ARFGEF1: variants seen among roughly 807,000 people sequenced by gnomAD.
ARFGEF1 encodes ARF guanine nucleotide exchange factor 1.
Under a neutral mutation model 231.0 loss-of-function variants are expected in ARFGEF1, and 42 were observed. The observed-to-expected ratio is 0.18, with a 90% CI of 0.14 to 0.24. The LOEUF (loss-of-function observed/expected upper bound fraction) is 0.24. Among genes scored for constraint, ARFGEF1 ranks in the 10% least tolerant of loss-of-function variants. The pLI is 1.00. For synonymous variants in ARFGEF1, 710 were observed against 732.3 expected (o/e 0.97, Z 0.49); for missense variants, 1,345 against 2,192.0 (o/e 0.61, Z 7.72).
intron 2 of ARFGEF1, among the ~76,000 whole-genome samples, chr8:67,301,973 G>A (rs970058358): frequency 2.0e-5 from 3 of 152,050 alleles, no homozygotes; most frequent in East Asian, 1.9e-4. Context: ...TTGGGAAGCC[G>A]AGGTGCGTGG....
chr8:67,235,983 G>A (rs967619380), intron 22 of ARFGEF1, among the ~76,000 whole-genome samples: 18 of 151,596 alleles, frequency 1.2e-4, no homozygotes, highest in African/African-American at 3.2e-4. Flanking sequence ...GAATACTCAC[G>A]GCAGAGATAC....
At chr8:67,231,819 C>G (rs1259148595) in intron 23 of ARFGEF1, among the ~76,000 whole-genome samples, 3 of 152,000 alleles carry the variant, frequency 2.0e-5, no homozygotes, top group Non-Finnish European at 4.4e-5. Flanking sequence ...CAAGAATACC[C>G]ATCTCATGAG....
At chr8:67,179,571 C>G (rs921818152) in intron 5 of ARFGEF1, among the ~76,000 whole-genome samples, 1 of 152,158 alleles carries the variant, frequency 6.6e-6, no homozygotes, top group Non-Finnish European at 1.5e-5. Flanking sequence ...TTTTATTTGA[C>G]TTCAACCATA....
chr8:67,191,936 T>C (rs1339543211), intron 5 of ARFGEF1, among the ~76,000 whole-genome samples: 1 of 152,200 alleles, frequency 6.6e-6, no homozygotes, highest in Admixed American at 6.5e-5. Context: ...TAGCCATCTA[T>C]TGAGTGTAAA....
chr8:67,219,367 T>G, intron 30 of ARFGEF1, 64 bp downstream of exon 30: 2 of 1,523,892 alleles, frequency 1.3e-6, no homozygotes, highest in Non-Finnish European at 1.8e-6. Context: ...CTAAAATGTA[T>G]TGATTATAAT....
chr8:67,215,891 C>A (rs1385937090), intron 33 of ARFGEF1, among the ~76,000 whole-genome samples: 1 of 152,144 alleles, frequency 6.6e-6, no homozygotes, highest in Admixed American at 6.5e-5. Context: ...TTTTGTGTTA[C>A]TTTTCTATAA....
chr8:67,232,565 G>A (rs922914688), intron 23 of ARFGEF1, among the ~76,000 whole-genome samples: 5 of 151,796 alleles, frequency 3.3e-5, no homozygotes, highest in African/African-American at 9.7e-5. Flanking sequence ...AGTTTTCTAC[G>A]AGAAAATAAA....
chr8:67,277,807 T>G (rs1274309348), intron 7 of ARFGEF1, among the ~76,000 whole-genome samples: 1 of 152,214 alleles, frequency 6.6e-6, no homozygotes, highest in Non-Finnish European at 1.5e-5. Flanking sequence ...CGAAAAAATA[T>G]CTCATTGTCA....
chr8:67,220,802 T>C (rs536968028), intron 29 of ARFGEF1, among the ~76,000 whole-genome samples: 67 of 152,264 alleles, frequency 4.4e-4, no homozygotes, highest in African/African-American at 1.5e-3. Context: ...AGTAAGTGGA[T>C]ATGGGCAATC....
intron 34 of ARFGEF1, among the ~76,000 whole-genome samples, chr8:67,205,780 C>G (rs1424980592): frequency 6.6e-6 from 1 of 151,940 alleles, no homozygotes; most frequent in Non-Finnish European, 1.5e-5. Flanking sequence ...ATTGCTGGAA[C>G]CCAGGAGGCA....
chr8:67,301,289 G>T lies in ARFGEF1; in HGVS notation c.247C>A (p.Pro83Thr). The change falls in exon 3 of 39, where the codon CCT (proline) becomes ACT (threonine). Residue 83 changes from proline to threonine, a missense_variant. Transcript: ENST00000262215. The part of the protein sequence containing the change: ...NFIEADKYFL[P>T]FELACQSKCP... ...TTGGACTGGCATGCCAACTCAAAAGGCAAGAAGTACTTGTCTGCTTCAATA... is the reference window on the plus strand; with the variant it reads ...TTGGACTGGCATGCCAACTCAAAAGTCAAGAAGTACTTGTCTGCTTCAATA... 6.2e-7 allele frequency: 1 copy of T among 1,613,986 alleles called. No individual in the cohort carries two copies. The highest frequency in any genetic ancestry group is 8.5e-7 in the Non-Finnish European group (1 of 1,179,984).
chr8:67,192,078 G>GT (rs71249424), intron 5 of ARFGEF1, among the ~76,000 whole-genome samples: 19,324 of 127,542 alleles, frequency 0.15, 1,617 homozygotes, highest in East Asian at 0.36. Flanking sequence ...TTTTTTTTTT[G>GT]TTTTTTTTTT....
rs1838117267 is a variant in ARFGEF1 at position 67,197,662 on chromosome 8, G to C, written c.*1272C>G. On this transcript the variant is annotated 3_prime_UTR_variant, in exon 39 of 39. Transcript: ENST00000262215. ...CATGGGGGTGGGTTATACAGGTTTT[G>C]ATTGCACTGATGAAATAATTCAAAA... 1 of 985,822 alleles carries C rather than the reference G, an allele frequency of 1.0e-6. No individual in the cohort carries two copies. Among genetic ancestry groups the C allele is most frequent in the Non-Finnish European group, 1.2e-6 (1 of 829,914 alleles). The allele number at this position is 985,822 out of a possible 1,614,324, so 61.1% of individuals were successfully genotyped here.
chr8:67,187,581 G>T (rs553723287), intron 5 of ARFGEF1, among the ~76,000 whole-genome samples: 1 of 152,212 alleles, frequency 6.6e-6, no homozygotes, highest in South Asian at 2.1e-4. Flanking sequence ...CTATTTGGGA[G>T]GCTGAGGTGG....
In ARFGEF1 at chr8:67,271,346, A is replaced by G. The variant is rs77225978; in HGVS notation, c.1572+356T>C. On this transcript the variant is annotated intron_variant, in intron 10 of 38. Transcript: ENST00000262215. ...GTTTAAAATAATGGAGATGCAATAT[A>G]TATTTGGAACTTTCTTTTAAGATAA... Among the ~76,000 whole-genome samples, 1,311 of 152,358 alleles carry G rather than the reference A, an allele frequency of 8.6e-3. 17 individuals carry two copies. The highest frequency in any genetic ancestry group is 0.03 in the African/African-American group (1,234 of 41,576).
At chr8:67,192,066 GTTTTTTTTTTT>G (rs1836437362) in intron 5 of ARFGEF1, among the ~76,000 whole-genome samples, 1 of 129,858 alleles carries the variant, frequency 7.7e-6, no homozygotes, top group Non-Finnish European at 1.6e-5. Flanking sequence ...TTGCTGATTT[GTTTTTTTTTTT>G]GTTTTTTTTT....
chr8:67,320,223 CA>C (rs544834392), intron 1 of ARFGEF1, among the ~76,000 whole-genome samples: 1,665 of 45,188 alleles, frequency 0.037, 39 homozygotes, highest in African/African-American at 0.083. Context: ...AACGCTATCT[CA>C]AAAAAAAAAA....
chr8:67,307,844 T>G (rs963236290), intron 1 of ARFGEF1, among the ~76,000 whole-genome samples: 1 of 152,146 alleles, frequency 6.6e-6, no homozygotes, highest in Non-Finnish European at 1.5e-5. Context: ...TGGGCTGGCC[T>G]TAGAGATTCA....
intron 32 of ARFGEF1, 33 bp from the exon 33 acceptor site, chr8:67,216,695 G>C: frequency 1.3e-6 from 2 of 1,556,492 alleles, no homozygotes; most frequent in Non-Finnish European, 8.7e-7. Flanking sequence ...CAATCACTAG[G>C]GGGCTGTGCC....
Sources: allele counts gnomAD v4.1 joint callset (sites outside exome capture counted in the v4.1 genomes callset), GRCh38; gene constraint gnomAD v4.1.1; transcripts MANE v1.5; gene names NCBI Gene and HGNC (gene_info 2026-07-23, HGNC 2026-07-21).